The following PCGF5 variants were observed in gnomAD, a reference collection of about 807,000 sequenced individuals.
The protein encoded by PCGF5 is polycomb group RING finger protein 5.
In PCGF5, 9 loss-of-function variants were observed where a neutral mutation model predicts 44.3. The ratio of observed to expected loss-of-function variants is 0.20; its 90% CI spans 0.12 to 0.35. The LOEUF (loss-of-function observed/expected upper bound fraction) is 0.35, where lower values mean the gene tolerates loss of function less well. Among genes scored for constraint, PCGF5 ranks in the 10% least tolerant of loss-of-function variants. The pLI, the probability that PCGF5 is intolerant of heterozygous loss-of-function variation, is 1.00. For synonymous variants in PCGF5, 95 were observed against 102.5 expected (o/e 0.93, Z 0.44); for missense variants, 146 against 305.3 (o/e 0.48, Z 3.89).
At chr10:91,252,625 T>G (rs1417983231) in intron 6 of PCGF5, among the ~76,000 whole-genome samples, 1 of 152,062 alleles carries the variant, frequency 6.6e-6, no homozygotes, top group African/African-American at 2.4e-5. Flanking sequence ...CTGTACCTAT[T>G]TATCCTTACA....
intron 1 of PCGF5, among the ~76,000 whole-genome samples, chr10:91,193,002 A>C (rs1589361538): frequency 6.6e-6 from 1 of 152,228 alleles, no homozygotes; most frequent in East Asian, 1.9e-4. Context: ...CTAATCAATA[A>C]GCCCTTGAAA....
At chr10:91,214,244 A>G (rs1478339204) in intron 1 of PCGF5, among the ~76,000 whole-genome samples, 1 of 151,988 alleles carries the variant, frequency 6.6e-6, no homozygotes, top group East Asian at 1.9e-4. Context: ...TGAGGCTGCA[A>G]TGAGGCGTGA....
chr10:91,195,481 TATATAGAG>T (rs1390710061), intron 1 of PCGF5, among the ~76,000 whole-genome samples: 38 of 134,628 alleles, frequency 2.8e-4, no homozygotes, highest in Admixed American at 7.2e-4. Context: ...CATATATATA[TATATAGAG>T]AGAGAGAGAG....
At position 91,179,282 on chromosome 10, in the gene PCGF5, C is replaced by T. The variant is rs561844906; in HGVS notation, c.-184+16201C>T. 5.9e-5 allele frequency among the ~76,000 whole-genome samples: 9 copies of T among 152,180 alleles called. No individual in the cohort carries two copies. The East Asian group carries it at 9.6e-4, about 16-fold the overall frequency. ...GACATGGGAGAGGTGAGTTAGATTA[C>T]CCATGAATAATCAGAGTGGCTGTCA... On this transcript the variant is annotated intron_variant, in intron 1 of 9. Coordinates refer to the PCGF5 transcript ENST00000614189.
chr10:91,168,535 G>A (rs942950562), intron 1 of PCGF5, among the ~76,000 whole-genome samples: 3 of 152,154 alleles, frequency 2.0e-5, no homozygotes, highest in African/African-American at 7.2e-5. Context: ...AGGAAATGGA[G>A]AAAGCAAATG....
At chr10:91,179,877 G>T (rs926411380) in intron 1 of PCGF5, among the ~76,000 whole-genome samples, 1 of 152,176 alleles carries the variant, frequency 6.6e-6, no homozygotes, top group Non-Finnish European at 1.5e-5. Flanking sequence ...TAATGGGATT[G>T]CTGGGTCGAA....
intron 2 of PCGF5, among the ~76,000 whole-genome samples, chr10:91,230,306 C>T (rs1399405252): frequency 6.6e-6 from 1 of 152,008 alleles, no homozygotes; most frequent in Non-Finnish European, 1.5e-5. Context: ...AAATCATGAT[C>T]AGTATACAGG....
chr10:91,176,999 C>T (rs1244406492), intron 1 of PCGF5, among the ~76,000 whole-genome samples: 4 of 152,182 alleles, frequency 2.6e-5, no homozygotes, highest in Admixed American at 6.5e-5. Context: ...TTAGAATTTT[C>T]AGTTTTTCTG....
At chr10:91,269,803 A>G (rs1020459972) in intron 8 of PCGF5, among the ~76,000 whole-genome samples, 2 of 152,090 alleles carry the variant, frequency 1.3e-5, no homozygotes, top group African/African-American at 2.4e-5. Flanking sequence ...GAACTTACCT[A>G]TCATATTCAT....
chr10:91,173,313 A>G (rs969095954), intron 1 of PCGF5, among the ~76,000 whole-genome samples: 2 of 152,230 alleles, frequency 1.3e-5, no homozygotes, highest in African/African-American at 2.4e-5. Context: ...GATAGTGTGT[A>G]ATAATTCTGG....
At chr10:91,182,352 GTT>G in intron 1 of PCGF5, among the ~76,000 whole-genome samples, 1 of 152,078 alleles carries the variant, frequency 6.6e-6, no homozygotes, top group Admixed American at 6.5e-5. Context: ...GCATAGAGGT[GTT>G]TATAATATTC....
chr10:91,195,208 G>T (rs545587058), intron 1 of PCGF5, among the ~76,000 whole-genome samples: 1 of 151,808 alleles, frequency 6.6e-6, no homozygotes, highest in Admixed American at 6.6e-5. Flanking sequence ...AAAGTTTGTG[G>T]TTATGAATTT....
At chr10:91,184,458 T>G (rs1843880926) in intron 1 of PCGF5, among the ~76,000 whole-genome samples, 1 of 152,224 alleles carries the variant, frequency 6.6e-6, no homozygotes, top group African/African-American at 2.4e-5. Flanking sequence ...GCTCCTGCAA[T>G]GTTTTAGCGT....
intron 1 of PCGF5, among the ~76,000 whole-genome samples, chr10:91,180,512 G>A (rs1589353719): frequency 1.3e-5 from 2 of 152,196 alleles, no homozygotes; most frequent in East Asian, 3.9e-4. Flanking sequence ...GTTAATTTTT[G>A]TATATTGTGT....
intron 3 of PCGF5, among the ~76,000 whole-genome samples, chr10:91,241,626 A>G (rs114851043): frequency 4.1e-4 from 62 of 152,158 alleles, no homozygotes; most frequent in African/African-American, 1.4e-3. Flanking sequence ...GAAAAGCACA[A>G]AAGGGGTCAA....
chr10:91,252,212 A>C (rs1449094537), intron 6 of PCGF5, among the ~76,000 whole-genome samples: 1 of 151,942 alleles, frequency 6.6e-6, no homozygotes, highest in East Asian at 1.9e-4. Flanking sequence ...CACTGAGAAT[A>C]TTGTTTATCT....
chr10:91,217,279 G>T (rs755588346), upstream of PCGF5, among the ~76,000 whole-genome samples: 2 of 152,148 alleles, frequency 1.3e-5, no homozygotes, highest in African/African-American at 4.8e-5. Flanking sequence ...GTGACCACCC[G>T]CCTCGGCCTC....
chr10:91,169,931 A>G (rs757450352), intron 1 of PCGF5, among the ~76,000 whole-genome samples: 1 of 152,226 alleles, frequency 6.6e-6, no homozygotes, highest in Non-Finnish European at 1.5e-5. Context: ...CAAATGGATC[A>G]TGGGACAGAA....
intron 1 of PCGF5, among the ~76,000 whole-genome samples, chr10:91,183,466 T>G (rs751415449): frequency 5.3e-5 from 8 of 152,098 alleles, no homozygotes; most frequent in Non-Finnish European, 1.0e-4. Context: ...TGTCTCTCCA[T>G]GTGAGGTAGG....
Sources: allele counts gnomAD v4.1 joint callset (sites outside exome capture counted in the v4.1 genomes callset), GRCh38; gene constraint gnomAD v4.1.1; transcripts MANE v1.5; gene names NCBI Gene and HGNC (gene_info 2026-07-23, HGNC 2026-07-21).